The following SLCO1C1 variants were observed in gnomAD, a reference collection of about 807,000 sequenced individuals.
SLCO1C1 encodes the protein solute carrier organic anion transporter family member 1C1.
In SLCO1C1, 70 loss-of-function variants were observed where a neutral mutation model predicts 76.4. The observed-to-expected ratio is 0.92, with a 90% CI of 0.76 to 1.12. The LOEUF (loss-of-function observed/expected upper bound fraction) is 1.12. SLCO1C1 is among the 50% of genes most tolerant of loss of function. SLCO1C1 has a pLI of 0.00. For synonymous variants in SLCO1C1, 306 were observed against 286.1 expected, an observed-to-expected ratio of 1.07 and a Z score of -0.70; for missense variants, 912 against 823.8, an observed-to-expected ratio of 1.11 and a Z score of -1.31.
chr12:20,717,735 T>TATCG (rs1341304983), intron 7 of SLCO1C1, among the ~76,000 whole-genome samples: 12 of 141,838 alleles, frequency 8.5e-5, no homozygotes, highest in Non-Finnish European at 1.7e-4. Flanking sequence ...TACAGCACAT[T>TATCG]ATCGAGGAAG....
chr12:20,738,005 G>C lies in SLCO1C1; in HGVS notation c.1548+733G>C, dbSNP rs146022666. 2.7e-3 allele frequency among the ~76,000 whole-genome samples: 407 copies of C among 152,174 alleles called. 1 individual carries two copies. Among genetic ancestry groups the C allele is most frequent in the Non-Finnish European group, 4.9e-3 (331 of 67,996 alleles). On this transcript the variant is annotated intron_variant, in intron 11 of 14. Transcript: ENST00000266509. ...GTTCCTAGTGAGGACCCACTTTCTG[G>C]TTTGCAGATGACCATCTTCACCTTT... is the stretch of plus-strand genomic sequence containing the variant.
rs1383343206 is a variant in SLCO1C1, at chr12:20,740,296, T to A, written c.1661T>A (p.Phe554Tyr). The change falls in exon 12 of 15, where the codon TTC (phenylalanine) becomes TAC (tyrosine). Residue 554 changes from phenylalanine (F) to tyrosine (Y), a missense_variant. Physicochemically the swap from Phe to Tyr is conservative, Grantham distance 22 (BLOSUM62 3). Coordinates refer to ENST00000266509, the MANE Select transcript of SLCO1C1 (RefSeq NM_017435.5). ...GGATGTCCCCAAATGTTTCTGTATT[T>A]CCTTGTAATTTCAGTCATCACATCC... Reference protein sequence around the residue: ...DNGCPQMFLYFLVISVITSYT... With the variant: ...DNGCPQMFLYYLVISVITSYT... 6.2e-7 allele frequency: 1 copy of A among 1,613,956 alleles called. No homozygotes were observed. The highest frequency in any genetic ancestry group is 8.5e-7 in the Non-Finnish European group (1 of 1,179,928).
In SLCO1C1 at chr12:20,752,716, TAA is replaced by T; in HGVS notation, c.*191_*192del. ...AACATATAATGGAAGATGCAGATGATAAAACTAATTTTGAACTTTTTAATTTA... is the reference window on the plus strand; with the variant it reads ...AACATATAATGGAAGATGCAGATGATAACTAATTTTGAACTTTTTAATTTA... On this transcript the variant is annotated 3_prime_UTR_variant, in exon 15 of 15. Coordinates refer to ENST00000266509, the MANE Select transcript of SLCO1C1 (RefSeq NM_017435.5). 1 of 396,092 alleles carries T rather than the reference TAA, an allele frequency of 2.5e-6. No homozygotes were observed. The highest frequency in any genetic ancestry group is 4.4e-6 in the Non-Finnish European group (1 of 225,670). The allele number at this position is 396,092 out of a possible 1,614,324, so 24.5% of individuals were successfully genotyped here. A position where few individuals can be genotyped will look rare whatever the true frequency, so the allele number is the denominator to read the frequency against.
At chr12:20,706,658 C>G (rs1946793637) in intron 4 of SLCO1C1, among the ~76,000 whole-genome samples, 1 of 152,110 alleles carries the variant, frequency 6.6e-6, no homozygotes, top group Non-Finnish European at 1.5e-5. Flanking sequence ...ACCCTTATAG[C>G]AACCTGTGGG....
At chr12:20,741,833 A>C (rs955667703) in intron 12 of SLCO1C1, among the ~76,000 whole-genome samples, 2 of 152,228 alleles carry the variant, frequency 1.3e-5, no homozygotes, top group African/African-American at 4.8e-5. Flanking sequence ...AATTTTGATA[A>C]AATTATTAAA....
intron 4 of SLCO1C1, among the ~76,000 whole-genome samples, chr12:20,710,135 T>G (rs1004551912): frequency 3.1e-4 from 47 of 151,660 alleles, no homozygotes; most frequent in Admixed American, 3.0e-3. Context: ...GTTTATCAAC[T>G]TGAATATTTC....
intron 13 of SLCO1C1, among the ~76,000 whole-genome samples, chr12:20,746,439 C>T (rs80051119): frequency 0.011 from 1,643 of 151,550 alleles, 30 homozygotes; most frequent in African/African-American, 0.038. Flanking sequence ...ATTCCTTCTT[C>T]GAGAAAAACC....
At chr12:20,745,054 A>C (rs1222605366) in intron 13 of SLCO1C1, among the ~76,000 whole-genome samples, 1 of 152,218 alleles carries the variant, frequency 6.6e-6, no homozygotes, top group Non-Finnish European at 1.5e-5. Flanking sequence ...GAAAGGTGGA[A>C]ATATTATATG....
chr12:20,723,184 G>T lies in SLCO1C1; in HGVS notation c.1116G>T (p.Met372Ile), dbSNP rs1328050731. 2.5e-6 allele frequency: 4 copies of T among 1,614,120 alleles called. No individual in the cohort carries two copies. Among genetic ancestry groups the T allele is most frequent in the Non-Finnish European group, 1.7e-6 (2 of 1,180,012 alleles). The part of the protein sequence containing the change: ...STVQFNSLFG[M>I]VTYKPKYIEQ... ...TTCAGTTCAATTCTCTGTTCGGCAT[G>T]GTGACGTACAAACCAAAGTACATTG... Residue 372 changes from methionine to isoleucine, a missense_variant, in exon 9 of 15, where the codon ATG becomes ATT. Physicochemically the swap from Met to Ile is conservative, Grantham distance 10. Transcript: ENST00000266509.
chr12:20,702,885 G>T (rs370429686), intron 3 of SLCO1C1, among the ~76,000 whole-genome samples: 3 of 151,794 alleles, frequency 2.0e-5, no homozygotes, highest in East Asian at 1.9e-4. Flanking sequence ...AGCTGAAGAG[G>T]CATAGAAATG....
At chr12:20,725,084 T>C (rs1440242016) in intron 9 of SLCO1C1, among the ~76,000 whole-genome samples, 1 of 126,100 alleles carries the variant, frequency 7.9e-6, no homozygotes, top group East Asian at 2.1e-4. Flanking sequence ...TAATAAATTA[T>C]ATAAAATAAT....
intron 5 of SLCO1C1, among the ~76,000 whole-genome samples, chr12:20,713,799 G>A (rs945865372): frequency 6.6e-6 from 1 of 152,174 alleles, no homozygotes; most frequent in African/African-American, 2.4e-5. Context: ...TAGTGTGACA[G>A]AGAAAGTGAA....
chr12:20,737,988 T>C (rs370150799), intron 11 of SLCO1C1, among the ~76,000 whole-genome samples: 1 of 152,112 alleles, frequency 6.6e-6, no homozygotes, highest in African/African-American at 2.4e-5. Context: ...TGGTTCCTAG[T>C]GAGGACCCAC....
intron 12 of SLCO1C1, among the ~76,000 whole-genome samples, chr12:20,740,787 T>TATATATATATA (rs1565541668): frequency 0.014 from 1,079 of 74,964 alleles, 75 homozygotes; most frequent in Non-Finnish European, 0.02. Context: ...TTTATTTTAT[T>TATATATATATA]TATATATATA....
At chr12:20,728,043 G>A (rs189058921) in intron 9 of SLCO1C1, among the ~76,000 whole-genome samples, 4 of 152,164 alleles carry the variant, frequency 2.6e-5, no homozygotes, top group African/African-American at 9.6e-5. Context: ...TCAATTTTTG[G>A]CTTTGTTGCA....
At chr12:20,743,793 T>C (rs1034419051) in intron 13 of SLCO1C1, among the ~76,000 whole-genome samples, 4 of 152,052 alleles carry the variant, frequency 2.6e-5, no homozygotes, top group African/African-American at 9.7e-5. Context: ...TTATCCCTTA[T>C]GTTATTAGGT....
At chr12:20,710,541 A>G (rs1481388700) in intron 4 of SLCO1C1, among the ~76,000 whole-genome samples, 5 of 152,032 alleles carry the variant, frequency 3.3e-5, no homozygotes, top group Non-Finnish European at 7.4e-5. Flanking sequence ...GAGCCGGGGG[A>G]TTGTAGATTA....
At chr12:20,721,612 G>A (rs564346432) in intron 7 of SLCO1C1, among the ~76,000 whole-genome samples, 192 bp from the exon 8 acceptor site, 1 of 152,022 alleles carries the variant, frequency 6.6e-6, no homozygotes, top group African/African-American at 2.4e-5. Context: ...CATTGTGGTG[G>A]TCTGGAGCTG....
intron 10 of SLCO1C1, among the ~76,000 whole-genome samples, chr12:20,734,315 CACATTGTTAGACTCAGCTGAGTG>C (rs1180567016): frequency 1.3e-5 from 2 of 152,142 alleles, no homozygotes; most frequent in African/African-American, 4.8e-5. Context: ...TTATCACAGC[CACATTGTTAGACTCAGCTGAGTG>C]TAGTGCTGCC....
Sources: allele counts gnomAD v4.1 joint callset (sites outside exome capture counted in the v4.1 genomes callset), GRCh38; gene constraint gnomAD v4.1.1; transcripts MANE v1.5; gene names NCBI Gene and HGNC (gene_info 2026-07-23, HGNC 2026-07-21).